BCL2L14: variants seen among roughly 807,000 people sequenced by gnomAD.
BCL2L14 encodes the protein BCL2 like 14.
Under a neutral mutation model 35.3 loss-of-function variants are expected in BCL2L14, and 27 were observed. The ratio of observed to expected loss-of-function variants is 0.76; its 90% CI spans 0.56 to 1.05. The LOEUF (loss-of-function observed/expected upper bound fraction) is 1.05, where lower values mean the gene tolerates loss of function less well. BCL2L14 is among the 50% of genes least tolerant of loss of function. The pLI, the probability that BCL2L14 is intolerant of heterozygous loss-of-function variation, is 0.00. For synonymous variants in BCL2L14, 139 were observed against 145.9 expected (o/e 0.95, Z 0.34); for missense variants, 377 against 382.6 (o/e 0.99, Z 0.12).
chr12:12,056,968 C>T (rs910763808), intron 2 of BCL2L14, among the ~76,000 whole-genome samples: 9 of 152,118 alleles, frequency 5.9e-5, no homozygotes, highest in East Asian at 1.9e-4. Flanking sequence ...ATTTAACCAA[C>T]GTTAAAGATT....
At chr12:12,069,543 CAA>C (rs374176155), upstream of BCL2L14, among the ~76,000 whole-genome samples, 18 of 133,158 alleles carry the variant, frequency 1.4e-4, no homozygotes, top group South Asian at 2.5e-4. Flanking sequence ...ACTAAAAATA[CAA>C]AAAAAAAAAA....
At chr12:12,059,160 C>G (rs577018483) in intron 2 of BCL2L14, among the ~76,000 whole-genome samples, 13 of 152,352 alleles carry the variant, frequency 8.5e-5, no homozygotes, top group Admixed American at 3.3e-4. Flanking sequence ...GGACACCTCT[C>G]TGATTATTCC....
intron 1 of BCL2L14, among the ~76,000 whole-genome samples, chr12:12,075,476 G>A (rs538194423): frequency 6.6e-6 from 1 of 150,934 alleles, no homozygotes; most frequent in East Asian, 2.0e-4. Flanking sequence ...GCCCAGGCTG[G>A]ATGCAATGGC....
In BCL2L14 at chr12:12,079,605, G is replaced by A. The variant is rs1290991159; in HGVS notation, c.300G>A (p.Val100=). 3 of 1,614,204 alleles carry A rather than the reference G, an allele frequency of 1.9e-6. No individual in the cohort carries two copies. The South Asian group carries it at 3.3e-5, about 18-fold the overall frequency. ...KSSWKAFFGV[V]EKEDSQSTPA... The stretch of plus-strand genomic sequence containing the variant: ...CTTGGAAAGCATTCTTTGGAGTAGT[G>A]GAGAAGGAAGATTCGCAGAGCACGC... The change falls in exon 2 of 6, where the codon GTG becomes GTA. Residue 100 remains valine, a synonymous_variant. Transcript: ENST00000308721.
chr12:12,093,933 A>C (rs1464294885), intron 4 of BCL2L14, among the ~76,000 whole-genome samples: 4 of 151,536 alleles, frequency 2.6e-5, no homozygotes, highest in South Asian at 2.1e-4. Flanking sequence ...GCGAAACTCT[A>C]TCTCTACAAA....
intron 4 of BCL2L14, among the ~76,000 whole-genome samples, chr12:12,092,302 G>C (rs1029837873): frequency 6.6e-6 from 1 of 152,232 alleles, no homozygotes; most frequent in Non-Finnish European, 1.5e-5. Context: ...CACTTTGCCT[G>C]GTGCTCTCTC....
intron 2 of BCL2L14, among the ~76,000 whole-genome samples, chr12:12,059,415 C>G (rs924974285): frequency 1.3e-5 from 2 of 152,104 alleles, no homozygotes; most frequent in South Asian, 4.1e-4. Flanking sequence ...CACCCCAATC[C>G]CTTATTTCTG....
At chr12:12,088,095 C>T (rs757726810) in intron 3 of BCL2L14, among the ~76,000 whole-genome samples, 3 of 152,158 alleles carry the variant, frequency 2.0e-5, no homozygotes, top group Non-Finnish European at 4.4e-5. Flanking sequence ...ACGTGAGGTT[C>T]GTTGTCTCAT....
chr12:12,089,498 C>A (rs998976166), intron 3 of BCL2L14, among the ~76,000 whole-genome samples: 1 of 152,122 alleles, frequency 6.6e-6, no homozygotes, highest in Non-Finnish European at 1.5e-5. Context: ...AAGTTCAAGA[C>A]CAGCCTGGCC....
At chr12:12,075,469 C>T (rs1192299294) in intron 1 of BCL2L14, among the ~76,000 whole-genome samples, 2 of 150,382 alleles carry the variant, frequency 1.3e-5, no homozygotes, top group Non-Finnish European at 3.0e-5. Flanking sequence ...TGTTGTTGCC[C>T]AGGCTGGATG....
chr12:12,070,005 G>T (rs1319720045), upstream of BCL2L14, among the ~76,000 whole-genome samples: 1 of 152,094 alleles, frequency 6.6e-6, no homozygotes, highest in African/African-American at 2.4e-5. Context: ...GCGGTCCAGG[G>T]TTTATGATCT....
chr12:12,089,331 T>C (rs1330461376), intron 3 of BCL2L14, among the ~76,000 whole-genome samples: 1 of 150,730 alleles, frequency 6.6e-6, no homozygotes, highest in African/African-American at 2.5e-5. Context: ...ATTACGCCAT[T>C]GCACTCCAGC....
intron 2 of BCL2L14, 82 bp downstream of exon 2, chr12:12,079,820 T>C: frequency 1.4e-6 from 2 of 1,417,606 alleles, no homozygotes; most frequent in Non-Finnish European, 1.9e-6. Context: ...CTTCTCATGT[T>C]GTAAAGTGGC....
intron 2 of BCL2L14, among the ~76,000 whole-genome samples, chr12:12,056,575 C>T (rs1344260745): frequency 2.0e-5 from 3 of 152,102 alleles, no homozygotes; most frequent in Non-Finnish European, 2.9e-5. Context: ...CACGCTCACT[C>T]GTAATCCCAG....
chr12:12,051,950 G>A (rs1171425855), intron 2 of BCL2L14: 1 of 152,226 alleles, frequency 6.6e-6, no homozygotes, highest in Non-Finnish European at 1.5e-5. Context: ...AGAAGAAGTG[G>A]AATTGAGTTG....
chr12:12,063,380 T>G (rs925237374), intron 2 of BCL2L14, among the ~76,000 whole-genome samples: 1 of 150,654 alleles, frequency 6.6e-6, no homozygotes, highest in African/African-American at 2.4e-5. Flanking sequence ...TTATACCTGT[T>G]TTTCTCCTTT....
intron 1 of BCL2L14, among the ~76,000 whole-genome samples, chr12:12,073,076 C>A (rs1004790606): frequency 1.3e-5 from 2 of 152,080 alleles, no homozygotes; most frequent in African/African-American, 4.8e-5. Flanking sequence ...TTTGTAGAGA[C>A]GGAGCCAAGG....
At chr12:12,094,003 A>G (rs563977408) in intron 4 of BCL2L14, among the ~76,000 whole-genome samples, 14 of 151,260 alleles carry the variant, frequency 9.3e-5, no homozygotes, top group Admixed American at 8.5e-4. Context: ...TCTACTTGGG[A>G]GGCTGAGGCA....
At chr12:12,052,766 G>A (rs1240906421) in intron 2 of BCL2L14, among the ~76,000 whole-genome samples, 3 of 152,148 alleles carry the variant, frequency 2.0e-5, no homozygotes, top group Non-Finnish European at 4.4e-5. Flanking sequence ...TCAGGACCTT[G>A]GTTTCTTAGC....
Sources: gnomAD v4.1 joint callset for allele counts (sites outside exome capture counted in the v4.1 genomes callset) on GRCh38, gnomAD v4.1.1 for gene constraint, MANE v1.5 for transcripts, NCBI Gene and HGNC (gene_info 2026-07-23, HGNC 2026-07-21) for gene names.